NBEA: variants seen among roughly 807,000 people sequenced by gnomAD.
NBEA encodes neurobeachin, also known as lysosomal-trafficking regulator 2.
Under a neutral mutation model 343.4 loss-of-function variants are expected in NBEA, and 44 were observed. The observed-to-expected ratio is 0.13, with a 90% CI of 0.10 to 0.16. NBEA has a LOEUF of 0.16. NBEA is among the 10% of genes least tolerant of loss of function. The pLI is 1.00. For synonymous variants in NBEA, 1,175 were observed against 1,238.7 expected, an observed-to-expected ratio of 0.95 and a Z score of 1.08; for missense variants, 2,555 against 3,631.3, an observed-to-expected ratio of 0.70 and a Z score of 7.62.
intron 48 of NBEA, among the ~76,000 whole-genome samples, chr13:35,609,576 A>G (rs1047505467): frequency 1.3e-5 from 2 of 152,206 alleles, no homozygotes; most frequent in African/African-American, 4.8e-5. Context: ...TGTGAAAAGC[A>G]TAGGGCATTT....
chr13:35,491,478 G>A (rs555456091), intron 41 of NBEA, among the ~76,000 whole-genome samples: 38 of 151,920 alleles, frequency 2.5e-4, no homozygotes, highest in African/African-American at 9.2e-4. Context: ...TCAGTCATCT[G>A]TACCTCAGTA....
chr13:35,402,821 C>T (rs1024487594), intron 38 of NBEA, among the ~76,000 whole-genome samples: 1 of 152,068 alleles, frequency 6.6e-6, no homozygotes, highest in African/African-American at 2.4e-5. Flanking sequence ...CTAAAGCAGA[C>T]TTCACGAAGG....
intron 38 of NBEA, among the ~76,000 whole-genome samples, chr13:35,410,761 C>A (rs1290562063): frequency 1.3e-5 from 2 of 151,938 alleles, no homozygotes; most frequent in African/African-American, 4.8e-5. Context: ...GATTAGGAAA[C>A]AAAAAGAAGT....
intron 48 of NBEA, among the ~76,000 whole-genome samples, chr13:35,618,961 A>G (rs1425769609): frequency 6.6e-6 from 1 of 152,104 alleles, no homozygotes; most frequent in Non-Finnish European, 1.5e-5. Flanking sequence ...CAACTGAGGC[A>G]GGGGAAGCCA....
intron 11 of NBEA, among the ~76,000 whole-genome samples, chr13:35,108,562 T>A (rs1298019845): frequency 2.6e-5 from 4 of 152,070 alleles, no homozygotes; most frequent in African/African-American, 2.4e-5. Flanking sequence ...ATATGATTTT[T>A]AAAAATATTC....
chr13:35,521,116 C>T (rs958376194), intron 41 of NBEA, among the ~76,000 whole-genome samples: 5 of 151,702 alleles, frequency 3.3e-5, no homozygotes, highest in African/African-American at 1.2e-4. Flanking sequence ...TCAAGTCTTC[C>T]CAGGATAACC....
At chr13:35,475,011 A>G in intron 41 of NBEA, 14 of 1,569,778 alleles carry the variant, frequency 8.9e-6, no homozygotes, top group Non-Finnish European at 1.1e-5. Flanking sequence ...TACACTTAAT[A>G]AGGACTTTGA....
intron 44 of NBEA, among the ~76,000 whole-genome samples, chr13:35,558,607 C>A (rs2079699696): frequency 6.6e-6 from 1 of 152,128 alleles, no homozygotes; most frequent in Admixed American, 6.5e-5. Context: ...AAAGTGTAGT[C>A]CCCTGACCTG....
chr13:34,965,256 A>G (rs1001255178), intron 1 of NBEA, among the ~76,000 whole-genome samples: 1 of 152,040 alleles, frequency 6.6e-6, no homozygotes, highest in Non-Finnish European at 1.5e-5. Context: ...TTCAAGATCT[A>G]ATAAGAGAGA....
rs573661785 is a variant in NBEA, at chr13:35,161,779, A to G, written c.3891A>G (p.Gln1297=). Residue 1297 remains glutamine (Q), a synonymous_variant, in exon 23 of 59, where the codon CAA becomes CAG. Transcript: ENST00000379939. The part of the protein sequence containing the change: ...QAVQGRSITQ[Q]DRDLRVDLGF... ...TGCAGGGTCGGTCTATCACCCAACAAGACCGAGATCTCCGAGTTGATTTAG... is the reference window on the plus strand; with the variant it reads ...TGCAGGGTCGGTCTATCACCCAACAGGACCGAGATCTCCGAGTTGATTTAG... 6.2e-7 allele frequency: 1 copy of G among 1,611,914 alleles called. No individual in the cohort carries two copies. The highest frequency in any genetic ancestry group is 1.1e-5 in the South Asian group (1 of 90,522).
chr13:35,420,805 C>T (rs1254863398), intron 38 of NBEA, among the ~76,000 whole-genome samples: 3 of 151,940 alleles, frequency 2.0e-5, no homozygotes, highest in Admixed American at 2.0e-4. Context: ...ACAGTATCCA[C>T]TCCTTCTTTT....
intron 32 of NBEA, among the ~76,000 whole-genome samples, 170 bp from the exon 33 acceptor site, chr13:35,210,883 A>G (rs565581661): frequency 4.6e-5 from 7 of 152,318 alleles, no homozygotes; most frequent in East Asian, 1.9e-4. Context: ...AACATCTGTT[A>G]TATAAAATTA....
chr13:35,611,102 A>T (rs1400856905), intron 48 of NBEA, among the ~76,000 whole-genome samples: 1 of 151,828 alleles, frequency 6.6e-6, no homozygotes, highest in Non-Finnish European at 1.5e-5. Flanking sequence ...AATAGCTGAA[A>T]TTCACATATC....
At chr13:35,345,921 C>T (rs1292777110) in intron 36 of NBEA, among the ~76,000 whole-genome samples, 1 of 152,074 alleles carries the variant, frequency 6.6e-6, no homozygotes, top group Non-Finnish European at 1.5e-5. Context: ...TTGTGAGCTG[C>T]TGTGATCAAT....
At chr13:35,091,386 A>G (rs1252753288) in intron 10 of NBEA, among the ~76,000 whole-genome samples, 1 of 151,994 alleles carries the variant, frequency 6.6e-6, no homozygotes, top group African/African-American at 2.4e-5. Flanking sequence ...AAATTTTTTA[A>G]TGAAATTCAG....
chr13:35,265,854 G>A (rs1224662861), intron 34 of NBEA, among the ~76,000 whole-genome samples: 1 of 151,810 alleles, frequency 6.6e-6, no homozygotes, highest in Non-Finnish European at 1.5e-5. Flanking sequence ...AAAGACAAAT[G>A]GGATTGCATC....
intron 35 of NBEA, among the ~76,000 whole-genome samples, chr13:35,298,375 T>G (rs1226969023): frequency 6.6e-6 from 1 of 151,332 alleles, no homozygotes; most frequent in Non-Finnish European, 1.5e-5. Flanking sequence ...TGTACTTAGT[T>G]AAAAATGATG....
intron 36 of NBEA, among the ~76,000 whole-genome samples, chr13:35,337,054 C>T (rs1460070092): frequency 6.6e-6 from 1 of 151,904 alleles, no homozygotes; most frequent in Non-Finnish European, 1.5e-5. Context: ...GAAAATGCTA[C>T]ACTAAAAAAT....
intron 1 of NBEA, among the ~76,000 whole-genome samples, chr13:34,972,173 G>C (rs999371485): frequency 6.6e-6 from 1 of 151,986 alleles, no homozygotes; most frequent in South Asian, 2.1e-4. Context: ...TGTTTCTGTG[G>C]AGTATTCCCC....
Sources: gnomAD v4.1 joint callset for allele counts (sites outside exome capture counted in the v4.1 genomes callset) on GRCh38, gnomAD v4.1.1 for gene constraint, MANE v1.5 for transcripts, NCBI Gene and HGNC (gene_info 2026-07-23, HGNC 2026-07-21) for gene names.